DLGAP2: variants seen among roughly 807,000 people sequenced by gnomAD.
DLGAP2 encodes the protein disks large-associated protein 2.
In DLGAP2, 26 loss-of-function variants were observed where a neutral mutation model predicts 100.3. The ratio of observed to expected loss-of-function variants is 0.26; its 90% CI spans 0.19 to 0.36. The LOEUF is 0.36. Among genes scored for constraint, DLGAP2 ranks in the 10% least tolerant of loss-of-function variants. The probability of loss-of-function intolerance (pLI) is 1.00; values close to 1 mark genes in which losing one functional copy is unlikely to be tolerated. For synonymous variants in DLGAP2, 886 were observed against 630.1 expected (o/e 1.41, Z -6.08); for missense variants, 1,858 against 1,453.2 (o/e 1.28, Z -4.53).
intron 1 of DLGAP2, among the ~76,000 whole-genome samples, chr8:766,892 G>A (rs935752909): frequency 6.6e-6 from 1 of 152,086 alleles, no homozygotes; most frequent in Admixed American, 6.5e-5. Flanking sequence ...GGGCGGCCTA[G>A]ACTTGTAACA....
intron 2 of DLGAP2, among the ~76,000 whole-genome samples, chr8:1,007,659 A>T (rs987490292): frequency 4.0e-5 from 6 of 150,846 alleles, no homozygotes; most frequent in African/African-American, 1.5e-4. Context: ...TCTGTGAGTC[A>T]ACTGGCTCTG....
At chr8:1,368,490 A>C (rs1274069139) in intron 3 of DLGAP2, among the ~76,000 whole-genome samples, 4 of 152,192 alleles carry the variant, frequency 2.6e-5, no homozygotes, top group Non-Finnish European at 4.4e-5. Context: ...TGAAAAATGT[A>C]GAAATACAAT....
chr8:814,850 C>CAAAAAAAAAAA (rs34412684), intron 1 of DLGAP2, among the ~76,000 whole-genome samples: 2 of 61,888 alleles, frequency 3.2e-5, no homozygotes, highest in East Asian at 5.0e-4. Flanking sequence ...GACTCCGTCT[C>CAAAAAAAAAAA]AAAAAAAAAA....
intron 12 of DLGAP2, 98 bp downstream of exon 12, chr8:1,678,727 G>T: frequency 1.6e-6 from 2 of 1,283,330 alleles, no homozygotes; most frequent in Non-Finnish European, 1.0e-6. Context: ...CCTCCCTTTG[G>T]TATTCAAGTG....
chr8:1,187,976 G>A (rs1411049050), intron 2 of DLGAP2, among the ~76,000 whole-genome samples: 5 of 111,216 alleles, frequency 4.5e-5, no homozygotes, highest in African/African-American at 5.5e-5. Flanking sequence ...AATCTCAAAC[G>A]CCTGGGACCT....
rs887828693 is a variant in DLGAP2, at chr8:1,702,861, T to C, written c.*1455T>C. 1 of 152,682 alleles carries C rather than the reference T, an allele frequency of 6.5e-6. No homozygotes were observed. Among genetic ancestry groups the C allele is most frequent in the African/African-American group, 2.4e-5 (1 of 41,468 alleles). 9.5% of individuals were successfully genotyped at this position (152,682 alleles called of 1,614,324 possible). ...TAAAAGCGGACTGCGATTTAAGATG[T>C]TTCCACCCCAATACCTGGTCTTCCT... On this transcript the variant is annotated 3_prime_UTR_variant, in exon 15 of 15. Transcript: ENST00000637795.
intron 3 of DLGAP2, among the ~76,000 whole-genome samples, chr8:1,418,687 C>A (rs1249548846): frequency 1.3e-5 from 2 of 152,160 alleles, no homozygotes; most frequent in African/African-American, 4.8e-5. Flanking sequence ...ATACTTCTGG[C>A]CACCAAATGT....
At chr8:838,909 G>A (rs990871593) in intron 1 of DLGAP2, among the ~76,000 whole-genome samples, 3 of 152,190 alleles carry the variant, frequency 2.0e-5, no homozygotes, top group Non-Finnish European at 4.4e-5. Context: ...CTGAAATGGC[G>A]AGGTGCTGCC....
At chr8:1,518,297 C>T (rs1259715495) in intron 4 of DLGAP2, among the ~76,000 whole-genome samples, 2 of 152,144 alleles carry the variant, frequency 1.3e-5, no homozygotes, top group African/African-American at 4.8e-5. Context: ...TCCTCATCTG[C>T]CAGGACACAG....
intron 3 of DLGAP2, among the ~76,000 whole-genome samples, chr8:1,485,735 A>T (rs554116102): frequency 6.6e-6 from 1 of 152,356 alleles, no homozygotes; most frequent in East Asian, 1.9e-4. Flanking sequence ...ATAGAAGGTC[A>T]GTCATCAGGC....
intron 2 of DLGAP2, among the ~76,000 whole-genome samples, chr8:1,189,915 C>T (rs774128963): frequency 1.3e-5 from 2 of 152,080 alleles, no homozygotes; most frequent in Non-Finnish European, 1.5e-5. Context: ...CTTTGGGTGC[C>T]AGGAAAGGAG....
rs576673777 is a variant in DLGAP2, at chr8:1,189,159, G to T, written c.74-69692G>T. Among the ~76,000 whole-genome samples the T allele has an allele frequency of 6.1e-5, 9 of 147,260 alleles. 1 individual carries two copies. Among genetic ancestry groups the T allele is most frequent in the Non-Finnish European group, 7.4e-5 (5 of 67,886 alleles). On this transcript the variant is annotated intron_variant, in intron 2 of 14. Coordinates refer to ENST00000637795, the MANE Select transcript of DLGAP2 (RefSeq NM_001346810.2). ...CGCTGTTGGGGTTGAGCATACACAG[G>T]GTTCGGGCCCCAGGCCGATTCCGCG...
intron 3 of DLGAP2, among the ~76,000 whole-genome samples, chr8:1,415,146 G>C (rs189047461): frequency 7.2e-5 from 11 of 152,170 alleles, no homozygotes; most frequent in African/African-American, 2.4e-4. Context: ...ACACACATGC[G>C]TACAAACAGG....
chr8:1,510,814 C>G (rs959852577), intron 4 of DLGAP2, among the ~76,000 whole-genome samples: 1 of 152,134 alleles, frequency 6.6e-6, no homozygotes, highest in Non-Finnish European at 1.5e-5. Flanking sequence ...TCCAGGAGGT[C>G]CACTCAACAA....
At chr8:1,091,562 T>C (rs1290044948) in intron 2 of DLGAP2, among the ~76,000 whole-genome samples, 1 of 152,270 alleles carries the variant, frequency 6.6e-6, no homozygotes, top group African/African-American at 2.4e-5. Context: ...CCTGTAGTGC[T>C]TTTCAGCCAA....
chr8:1,445,027 C>T (rs1250084685), intron 3 of DLGAP2, among the ~76,000 whole-genome samples: 1 of 151,042 alleles, frequency 6.6e-6, no homozygotes, highest in Non-Finnish European at 1.5e-5. Flanking sequence ...ACCTCGGCCT[C>T]CCAAAGTGCT....
At chr8:1,206,670 T>C (rs1798001617) in intron 2 of DLGAP2, among the ~76,000 whole-genome samples, 1 of 152,322 alleles carries the variant, frequency 6.6e-6, no homozygotes, top group East Asian at 1.9e-4. Context: ...GGGTAGACTG[T>C]GAGTGATTAA....
chr8:1,696,693 C>T (rs1313225148), intron 13 of DLGAP2, among the ~76,000 whole-genome samples: 1 of 152,208 alleles, frequency 6.6e-6, no homozygotes, highest in Non-Finnish European at 1.5e-5. Flanking sequence ...AAGGTGTCAT[C>T]ACCGTAAGAA....
At chr8:1,229,428 T>C (rs1798488094) in intron 2 of DLGAP2, among the ~76,000 whole-genome samples, 1 of 152,174 alleles carries the variant, frequency 6.6e-6, no homozygotes, top group Non-Finnish European at 1.5e-5. Context: ...TTAGGGTTTG[T>C]ATTTCTTGCT....
Sources: gnomAD v4.1 joint callset for allele counts (sites outside exome capture counted in the v4.1 genomes callset) on GRCh38, gnomAD v4.1.1 for gene constraint, MANE v1.5 for transcripts, NCBI Gene and HGNC (gene_info 2026-07-23, HGNC 2026-07-21) for gene names.